Variants in PCNX2 observed in about 807,000 individuals in gnomAD.
The protein encoded by PCNX2 is pecanex 2.
PCNX2 carries 168 observed loss-of-function variants against 223.8 expected under a neutral mutation model. The observed-to-expected ratio is 0.75, with a 90% CI of 0.66 to 0.85. PCNX2 has a LOEUF of 0.85. Among genes scored for constraint, PCNX2 ranks in the 40% least tolerant of loss-of-function variants. The probability of loss-of-function intolerance (pLI) is 0.00; values close to 1 mark genes in which losing one functional copy is unlikely to be tolerated. For missense variants in PCNX2, 2,507 were observed against 2,675.5 expected (o/e 0.94, Z 1.39); for synonymous variants, 1,006 against 1,052.6 (o/e 0.96, Z 0.86).
chr1:233,134,915 A>G (rs1676718851), intron 21 of PCNX2, 98 bp downstream of exon 21: 2 of 1,080,852 alleles, frequency 1.9e-6, no homozygotes, highest in Non-Finnish European at 2.7e-6. Context: ...TCCTCCCATA[A>G]TTTTTTTTAT....
At chr1:233,196,160 A>G (rs115985021) in intron 15 of PCNX2, among the ~76,000 whole-genome samples, 1,978 of 152,246 alleles carry the variant, frequency 0.013, 23 homozygotes, top group South Asian at 0.038. Context: ...AACAAATGGT[A>G]CTAGTAAATC....
chr1:233,283,801 A>G (rs916878062), intron 1 of PCNX2, among the ~76,000 whole-genome samples: 1 of 152,212 alleles, frequency 6.6e-6, no homozygotes, highest in African/African-American at 2.4e-5. Context: ...TTAGTCCAGA[A>G]TCATCAATTT....
intron 23 of PCNX2, among the ~76,000 whole-genome samples, chr1:233,075,693 T>TG (rs1673058190): frequency 9.3e-6 from 1 of 107,578 alleles, no homozygotes; most frequent in African/African-American, 5.3e-5. Context: ...GCAGTTAGCT[T>TG]AAAACACACA....
the PCNX2 span, among the ~76,000 whole-genome samples, chr1:233,301,388 G>T: frequency 1.3e-5 from 2 of 152,126 alleles, no homozygotes; most frequent in Admixed American, 6.5e-5. Flanking sequence ...ATATGCAAAT[G>T]CTTTCTGAAA....
chr1:233,077,585 C>T (rs1359640557), intron 23 of PCNX2, among the ~76,000 whole-genome samples: 1 of 152,190 alleles, frequency 6.6e-6, no homozygotes, highest in Non-Finnish European at 1.5e-5. Context: ...CTCTTTCCTT[C>T]CTTTCTCCCA....
rs570840283 is a variant in PCNX2, at chr1:233,236,846, C to T, written c.2357G>A (p.Arg786Gln). The T allele has an allele frequency of 4.3e-6, 7 of 1,613,462 alleles. No individual in the cohort carries two copies. In the Admixed American group the frequency reaches 5.0e-5, roughly 12 times the overall value. ...VARRTQSETP[R>Q]HVSQDLEASS... is the part of the protein sequence containing the mutation. Reference sequence around the variant, plus strand: ...ACAGCAATTCTGGAATGTACGTACCCGTGGGGTTTCCGACTGGGTCCTGCG... The same window carrying T: ...ACAGCAATTCTGGAATGTACGTACCTGTGGGGTTTCCGACTGGGTCCTGCG... Residue 786 changes from arginine to glutamine, a missense_variant and splice_region_variant, in exon 9 of 34, where the codon CGG (arginine) becomes CAG (glutamine). Around this residue, in one of 3 missense-constraint regions of PCNX2, gnomAD observed 1,031 missense variants for 1,021.7 expected, o/e 1.01. Transcript: ENST00000258229.
In PCNX2 at chr1:233,000,470, G is replaced by T; in HGVS notation, c.5163C>A (p.Phe1721Leu). 6.3e-7 allele frequency: 1 copy of T among 1,597,670 alleles called. No homozygotes were observed. Among genetic ancestry groups the T allele is most frequent in the Non-Finnish European group, 8.5e-7 (1 of 1,171,556 alleles). The change falls in exon 30 of 34, where the codon TTC becomes TTA. Residue 1721 changes from phenylalanine to leucine, a missense_variant. Physicochemically the swap from Phe to Leu is conservative, Grantham distance 22 (BLOSUM62 0). Around this residue, in one of 3 missense-constraint regions of PCNX2, gnomAD observed 1,372 missense variants for 1,509.4 expected, o/e 0.91. Transcript: ENST00000258229. The surrounding 1 kb of genome is among the most constrained non-coding windows in gnomAD (Gnocchi z 4.6). ...CGTGGCAGATGACCACCTTCTTCTC[G>T]AAGGACTGGATGGCCTCGTAGAGGA... ...PAVLYEAIQS[F>L]EKKVVICHEG...
intron 4 of PCNX2, among the ~76,000 whole-genome samples, 177 bp from the exon 5 acceptor site, chr1:233,259,521 C>T (rs1041953939): frequency 2.0e-5 from 3 of 152,132 alleles, no homozygotes; most frequent in Non-Finnish European, 4.4e-5. Context: ...GTTTGTTACA[C>T]GGGTATACAT....
At chr1:233,320,892 A>T in the PCNX2 span, among the ~76,000 whole-genome samples, 1 of 152,212 alleles carries the variant, frequency 6.6e-6, no homozygotes, top group African/African-American at 2.4e-5. Context: ...TTAGCAGCTA[A>T]AAGCTTTCTA....
intron 21 of PCNX2, among the ~76,000 whole-genome samples, chr1:233,132,169 A>T (rs1013120653): frequency 1.3e-5 from 2 of 151,868 alleles, no homozygotes; most frequent in Non-Finnish European, 2.9e-5. Context: ...CGAACTCCTG[A>T]CCTCGGGTAA....
chr1:233,171,746 T>C lies in PCNX2; in HGVS notation c.3273+6056A>G, dbSNP rs188782124. Among the ~76,000 whole-genome samples, 572 of 152,352 alleles carry C rather than the reference T, an allele frequency of 3.8e-3. 4 individuals are homozygous for C. Among genetic ancestry groups the C allele is most frequent in the African/African-American group, 0.013 (546 of 41,594 alleles). ...GTCTTTCATCAATTCTGGTAAACTC[T>C]CAGATATTATCTCATCAAATATTGA... On this transcript the variant is annotated intron_variant, in intron 17 of 33. Transcript: ENST00000258229.
At chr1:233,161,439 AG>A (rs1420008097) in intron 17 of PCNX2, 76 bp from the exon 18 acceptor site, 1 of 1,259,794 alleles carries the variant, frequency 7.9e-7, no homozygotes, top group Non-Finnish European at 1.1e-6. Context: ...TAAATCAAGC[AG>A]CAGGACATTG....
chr1:233,160,229 A>G (rs1369729492), intron 19 of PCNX2, 54 bp downstream of exon 19: 14 of 1,556,662 alleles, frequency 9.0e-6, no homozygotes, highest in Non-Finnish European at 1.2e-5. Context: ...CTCCGGTTTA[A>G]TGTATACCTA....
At chr1:233,128,658 T>C (rs954295588) in intron 21 of PCNX2, among the ~76,000 whole-genome samples, 1 of 152,198 alleles carries the variant, frequency 6.6e-6, no homozygotes, top group African/African-American at 2.4e-5. Flanking sequence ...AAGAACTTTT[T>C]CAGGGCCAGT....
chr1:233,225,082 G>A (rs1463647949), intron 10 of PCNX2, among the ~76,000 whole-genome samples: 4 of 118,296 alleles, frequency 3.4e-5, no homozygotes, highest in Admixed American at 2.4e-4. Flanking sequence ...AAACCTGCAC[G>A]TTCTGCACAT....
intron 20 of PCNX2, among the ~76,000 whole-genome samples, chr1:233,136,719 A>T (rs1438226654): frequency 6.6e-6 from 1 of 152,220 alleles, no homozygotes; most frequent in Non-Finnish European, 1.5e-5. Flanking sequence ...ACAGTATGAA[A>T]AGATGACGTC....
chr1:233,163,226 C>T (rs1330435755), intron 17 of PCNX2, among the ~76,000 whole-genome samples: 1 of 152,108 alleles, frequency 6.6e-6, no homozygotes, highest in Non-Finnish European at 1.5e-5. Context: ...TGGCTCACAC[C>T]TGTAATCCCA....
intron 13 of PCNX2, among the ~76,000 whole-genome samples, chr1:233,207,631 C>T (rs1681556609): frequency 6.6e-6 from 1 of 152,088 alleles, no homozygotes; most frequent in Non-Finnish European, 1.5e-5. Flanking sequence ...CTGAGGTGGC[C>T]AATATTTTTG....
chr1:233,167,970 C>T lies in PCNX2; in HGVS notation c.3274-6607G>A, dbSNP rs533821669. ...AAAAAGAGAATTTACTGGTACTGCC[C>T]TCTTCCTTCACGTTTGAAGGTTAAA... On this transcript the variant is annotated intron_variant, in intron 17 of 33. Coordinates refer to ENST00000258229, the MANE Select transcript of PCNX2 (RefSeq NM_014801.4). 56 of 340,168 alleles carry T rather than the reference C, an allele frequency of 1.6e-4. No homozygotes were observed. The South Asian group carries it at 6.4e-3, about 39-fold the overall frequency. 21.1% of individuals were successfully genotyped at this position (340,168 alleles called of 1,614,324 possible). A position where few individuals can be genotyped will look rare whatever the true frequency, so the allele number is the denominator to read the frequency against.
Sources: allele counts gnomAD v4.1 joint callset (sites outside exome capture counted in the v4.1 genomes callset), GRCh38; gene constraint gnomAD v4.1.1; regional missense constraint gnomAD v4.1.1; non-coding constraint Gnocchi (gnomAD v3.1); transcripts MANE v1.5; gene names NCBI Gene and HGNC (gene_info 2026-07-23, HGNC 2026-07-21).